Variants in SLC44A5 observed in about 807,000 individuals in gnomAD.
SLC44A5 encodes solute carrier family 44 member 5.
Under a neutral mutation model 101.8 loss-of-function variants are expected in SLC44A5, and 57 were observed. The observed-to-expected ratio is 0.56, with a 90% CI of 0.45 to 0.70. The LOEUF is 0.70. Ranked by LOEUF, SLC44A5 falls within the 30% of genes least tolerant of loss-of-function variation. SLC44A5 has a pLI of 0.00. For synonymous variants in SLC44A5, 281 were observed against 290.9 expected, an observed-to-expected ratio of 0.97 and a Z score of 0.35; for missense variants, 737 against 853.1, an observed-to-expected ratio of 0.86 and a Z score of 1.70.
At chr1:75,251,357 C>G (rs958458174) in intron 6 of SLC44A5, 63 bp from the exon 7 acceptor site, 10 of 1,328,312 alleles carry the variant, frequency 7.5e-6, no homozygotes, top group Non-Finnish European at 9.5e-6. Flanking sequence ...CATTTCAGAC[C>G]CTGAACACTT....
the SLC44A5 span, among the ~76,000 whole-genome samples, chr1:75,656,464 T>C: frequency 2.0e-4 from 31 of 152,308 alleles, no homozygotes; most frequent in Admixed American, 3.9e-4. Flanking sequence ...TTTGTTGAGA[T>C]AGGCTATATA....
chr1:75,454,173 A>G (rs1259289934), intron 2 of SLC44A5, among the ~76,000 whole-genome samples: 5 of 152,144 alleles, frequency 3.3e-5, no homozygotes. Flanking sequence ...ACATGAATCC[A>G]GCATCACATT....
chr1:75,421,298 C>A (rs546795103), intron 2 of SLC44A5, among the ~76,000 whole-genome samples: 1 of 151,998 alleles, frequency 6.6e-6, no homozygotes, highest in African/African-American at 2.4e-5. Flanking sequence ...TGCTAAAAAG[C>A]CACCATTATT....
At position 75,276,798 on chromosome 1, in the gene SLC44A5, G is replaced by A. The variant is rs150002240; in HGVS notation, c.176-1756C>T. ...TAAATAGGTATAAGGGAGATGAGAC[G>A]GAAGGGAGCAAAGCCAATCAAGTGC... On this transcript the variant is annotated intron_variant, in intron 5 of 23. Transcript: ENST00000370859. 8.6e-5 allele frequency among the ~76,000 whole-genome samples: 13 copies of A among 152,044 alleles called. No homozygotes were observed. In the East Asian group the frequency reaches 1.2e-3, roughly 14 times the overall value.
chr1:75,698,331 G>A, the SLC44A5 span, among the ~76,000 whole-genome samples: 1 of 152,194 alleles, frequency 6.6e-6, no homozygotes, highest in African/African-American at 2.4e-5. Context: ...GCCTCCTCAA[G>A]TGGGTCCCTG....
intron 2 of SLC44A5, among the ~76,000 whole-genome samples, chr1:75,472,096 A>C (rs1037030616): frequency 1.3e-5 from 2 of 151,516 alleles, no homozygotes; most frequent in Non-Finnish European, 1.5e-5. Context: ...AAAAAAAAAA[A>C]AAACTACTGG....
intron 2 of SLC44A5, among the ~76,000 whole-genome samples, chr1:75,500,215 G>T (rs1668882998): frequency 6.6e-6 from 1 of 152,270 alleles, no homozygotes; most frequent in Admixed American, 6.5e-5. Context: ...TTTAATAAGA[G>T]CAACTATTCT....
chr1:75,638,942 C>T, the SLC44A5 span, among the ~76,000 whole-genome samples: 2,752 of 152,024 alleles, frequency 0.018, 42 homozygotes, highest in Middle Eastern at 0.031. Flanking sequence ...GTGAAATAAG[C>T]CAGGCACAGG....
At chr1:75,711,097 A>T in the SLC44A5 span, among the ~76,000 whole-genome samples, 1 of 152,154 alleles carries the variant, frequency 6.6e-6, no homozygotes, top group Non-Finnish European at 1.5e-5. Context: ...TTCCCAAGAC[A>T]GCCAATCTGA....
Position 75,376,585 on chromosome 1 carries a change from G to T in SLC44A5, c.52+19998C>A, listed in dbSNP as rs576303963. ...GCAGGGGCACACTGACACCTCACAC[G>T]GCAGGGTACTCCAACAGACCTGCAG... On this transcript the variant is annotated intron_variant, in intron 3 of 23. Coordinates refer to ENST00000370859, the MANE Select transcript of SLC44A5 (RefSeq NM_001130058.2). Among the ~76,000 whole-genome samples the T allele has an allele frequency of 3.1e-3, 476 of 152,112 alleles. 3 individuals carry two copies. The highest frequency in any genetic ancestry group is 0.01 in the African/African-American group (431 of 41,490).
At chr1:75,452,890 A>C (rs1477770700) in intron 2 of SLC44A5, among the ~76,000 whole-genome samples, 3 of 152,184 alleles carry the variant, frequency 2.0e-5, no homozygotes, top group African/African-American at 7.2e-5. Context: ...AGAATCATAA[A>C]ACAAGTACTT....
At chr1:75,644,630 TTA>T in the SLC44A5 span, among the ~76,000 whole-genome samples, 2 of 103,354 alleles carry the variant, frequency 1.9e-5, no homozygotes, top group African/African-American at 5.4e-5. Flanking sequence ...ATATAAGTCT[TTA>T]TATATATATA....
chr1:75,504,107 A>G (rs762747126), intron 2 of SLC44A5, among the ~76,000 whole-genome samples: 2 of 152,186 alleles, frequency 1.3e-5, no homozygotes, highest in Non-Finnish European at 2.9e-5. Flanking sequence ...TATAACTCTA[A>G]ATCGGCAAAG....
intron 13 of SLC44A5, among the ~76,000 whole-genome samples, chr1:75,224,893 G>A (rs1435215004): frequency 6.6e-6 from 1 of 152,012 alleles, no homozygotes; most frequent in Non-Finnish European, 1.5e-5. Context: ...AAAGCTAAAT[G>A]TTATTATAAA....
chr1:75,323,479 A>G (rs1332776600), intron 4 of SLC44A5, among the ~76,000 whole-genome samples: 2 of 152,128 alleles, frequency 1.3e-5, no homozygotes, highest in Non-Finnish European at 2.9e-5. Context: ...GCTGGGTCAA[A>G]TGGTATTACC....
At chr1:75,478,977 C>G (rs1667627605) in intron 2 of SLC44A5, among the ~76,000 whole-genome samples, 1 of 152,156 alleles carries the variant, frequency 6.6e-6, no homozygotes, top group Non-Finnish European at 1.5e-5. Context: ...CACACCTATT[C>G]CAAAATTGAC....
At chr1:75,467,082 A>G (rs1666862662) in intron 2 of SLC44A5, among the ~76,000 whole-genome samples, 1 of 152,178 alleles carries the variant, frequency 6.6e-6, no homozygotes, top group Non-Finnish European at 1.5e-5. Context: ...AATCCCATGT[A>G]CAATAGCCAC....
intron 1 of SLC44A5, among the ~76,000 whole-genome samples, chr1:75,579,501 G>T (rs936702985): frequency 1.3e-5 from 2 of 151,294 alleles, no homozygotes; most frequent in African/African-American, 4.9e-5. Context: ...ATAAGTTATA[G>T]GTCCCTAAGC....
intron 3 of SLC44A5, among the ~76,000 whole-genome samples, chr1:75,341,057 T>G (rs1657838292): frequency 6.6e-6 from 1 of 152,244 alleles, no homozygotes; most frequent in South Asian, 2.1e-4. Flanking sequence ...AGAGTCCTAT[T>G]AATAATTCGT....
Sources: allele counts gnomAD v4.1 joint callset (sites outside exome capture counted in the v4.1 genomes callset), GRCh38; gene constraint gnomAD v4.1.1; transcripts MANE v1.5; gene names NCBI Gene and HGNC (gene_info 2026-07-23, HGNC 2026-07-21).